The following KIAA1217 variants were observed in gnomAD, a reference collection of about 807,000 sequenced individuals.
KIAA1217 encodes the protein KIAA1217, also known as sickle tail protein homolog.
Under a neutral mutation model 163.9 loss-of-function variants are expected in KIAA1217, and 88 were observed. The ratio of observed to expected loss-of-function variants is 0.54; its 90% CI spans 0.45 to 0.64. The LOEUF is 0.64. Among genes scored for constraint, KIAA1217 ranks in the 30% least tolerant of loss-of-function variants. The pLI is 0.00. For missense variants in KIAA1217, 2,372 were observed against 2,475.0 expected (o/e 0.96, Z 0.88); for synonymous variants, 903 against 923.1 (o/e 0.98, Z 0.39).
chr10:24,491,339 G>A (rs2066119629), intron 6 of KIAA1217, among the ~76,000 whole-genome samples: 1 of 142,804 alleles, frequency 7.0e-6, no homozygotes, highest in Non-Finnish European at 1.5e-5. Context: ...TCCCAGGCTG[G>A]AGTGCAGTGG....
chr10:23,829,344 G>A (rs1838062131), intron 1 of KIAA1217, among the ~76,000 whole-genome samples: 1 of 152,080 alleles, frequency 6.6e-6, no homozygotes, highest in Admixed American at 6.6e-5. Context: ...CCAACTGATG[G>A]CCCACAGAAC....
At chr10:24,366,034 A>G (rs1233905670) in intron 2 of KIAA1217, among the ~76,000 whole-genome samples, 2 of 152,306 alleles carry the variant, frequency 1.3e-5, no homozygotes, top group East Asian at 1.9e-4. Flanking sequence ...ATGGCACCCC[A>G]CTGGCAGATA....
intron 1 of KIAA1217, among the ~76,000 whole-genome samples, chr10:24,211,361 CTTTTTTTTTTTTTTTT>C (rs1201397959): frequency 3.3e-5 from 2 of 60,206 alleles, no homozygotes; most frequent in East Asian, 1.4e-3. Context: ...GGTGGGACTA[CTTTTTTTTTTTTTTTT>C]TTTTTTTTTT....
chr10:24,293,433 ACT>A (rs2079306288), intron 2 of KIAA1217, among the ~76,000 whole-genome samples: 1 of 152,160 alleles, frequency 6.6e-6, no homozygotes, highest in African/African-American at 2.4e-5. Context: ...CTCTGCAGGC[ACT>A]GCCCCGCCCC....
At chr10:23,765,346 T>C (rs1225236796) in intron 1 of KIAA1217, among the ~76,000 whole-genome samples, 2 of 151,944 alleles carry the variant, frequency 1.3e-5, no homozygotes, top group Non-Finnish European at 2.9e-5. Context: ...GCTAACTTTT[T>C]GTACTTTTAG....
rs532472769 is a variant in KIAA1217 at position 24,523,543 on chromosome 10, G to A, written c.2457-780G>A. Among the ~76,000 whole-genome samples the A allele has an allele frequency of 5.9e-5, 9 of 152,260 alleles. No individual in the cohort carries two copies. In the South Asian group the frequency reaches 1.9e-3, roughly 32 times the overall value. ...GATGAGGGACTAACTAAAAATTAGA[G>A]GTCAAGTACCATGTTTGACATTGCC... On this transcript the variant is annotated intron_variant, in intron 12 of 20. Transcript: ENST00000376454.
At position 24,521,915 on chromosome 10, in the gene KIAA1217, G is replaced by A. The variant is rs1409978732; in HGVS notation, c.2442G>A (p.Leu814=). 2 of 1,611,050 alleles carry A rather than the reference G, an allele frequency of 1.2e-6. No individual in the cohort carries two copies. Among genetic ancestry groups the A allele is most frequent in the Non-Finnish European group, 1.7e-6 (2 of 1,178,960 alleles). The stretch of plus-strand genomic sequence containing the variant: ...GTGTGCGCAGCATGACAGACGTCCT[G>A]ACCATGCTGCGGAGGTGACCGGGCC... ...LKRVRSMTDV[L]TMLRRHVTDG... is the part of the protein sequence containing the mutation. The change falls in exon 12 of 21, where the codon CTG becomes CTA. Residue 814 remains leucine, a synonymous_variant. Transcript: ENST00000376454.
chr10:24,034,414 T>A (rs1848308745), intron 2 of KIAA1217, among the ~76,000 whole-genome samples: 2 of 151,432 alleles, frequency 1.3e-5, no homozygotes, highest in South Asian at 4.2e-4. Flanking sequence ...ACAAAAAAAA[T>A]TAGCCAGGCA....
chr10:24,318,490 C>T (rs372628948), intron 2 of KIAA1217, among the ~76,000 whole-genome samples: 5 of 152,266 alleles, frequency 3.3e-5, no homozygotes, highest in African/African-American at 1.2e-4. Flanking sequence ...TGCTGACCTT[C>T]CCAGCAGATT....
At position 23,873,928 on chromosome 10, in the gene KIAA1217, G is replaced by A. The variant is rs1240461655; in HGVS notation, c.-320-133297G>A. 3.9e-5 allele frequency among the ~76,000 whole-genome samples: 6 copies of A among 151,996 alleles called. 1 individual carries two copies. The highest frequency in any genetic ancestry group is 8.8e-5 in the Non-Finnish European group (6 of 67,974). On this transcript the variant is annotated intron_variant, in intron 1 of 18. Coordinates refer to the KIAA1217 transcript ENST00000376462. ...CATTGTTTCATCAGTGAAGTGAAGTGGCATGTGTCATGAACTGAGCATTTA... is the reference window on the plus strand; with the variant it reads ...CATTGTTTCATCAGTGAAGTGAAGTAGCATGTGTCATGAACTGAGCATTTA...
chr10:24,514,931 G>A (rs973671572), intron 10 of KIAA1217, among the ~76,000 whole-genome samples: 1 of 151,964 alleles, frequency 6.6e-6, no homozygotes, highest in Non-Finnish European at 1.5e-5. Context: ...GGGGAAGGTT[G>A]TGGTGAGCCG....
intron 2 of KIAA1217, among the ~76,000 whole-genome samples, chr10:24,318,416 A>T (rs1404295990): frequency 6.6e-6 from 1 of 152,136 alleles, no homozygotes; most frequent in African/African-American, 2.4e-5. Flanking sequence ...GGAGGAGGGA[A>T]TTCTGCCTCT....
intron 2 of KIAA1217, among the ~76,000 whole-genome samples, chr10:24,130,458 T>A (rs969641325): frequency 9.2e-5 from 14 of 152,172 alleles, no homozygotes; most frequent in African/African-American, 3.1e-4. Flanking sequence ...TTTGTGTGCA[T>A]CAATGAATCC....
At chr10:24,392,720 T>C (rs2055149823) in intron 3 of KIAA1217, among the ~76,000 whole-genome samples, 1 of 152,210 alleles carries the variant, frequency 6.6e-6, no homozygotes, top group African/African-American at 2.4e-5. Context: ...GGGAATGACA[T>C]TGGAAATTTA....
chr10:24,280,675 T>C (rs1281198856), intron 2 of KIAA1217, among the ~76,000 whole-genome samples: 1 of 151,994 alleles, frequency 6.6e-6, no homozygotes, highest in South Asian at 2.1e-4. Flanking sequence ...CCAAGCATGG[T>C]CACAGGCGCC....
At chr10:23,719,762 C>T (rs1436542346) in intron 1 of KIAA1217, among the ~76,000 whole-genome samples, 2 of 151,066 alleles carry the variant, frequency 1.3e-5, no homozygotes, top group Non-Finnish European at 3.0e-5. Context: ...ACTAAAAATA[C>T]AAAAAATTAG....
intron 1 of KIAA1217, among the ~76,000 whole-genome samples, chr10:23,982,529 T>TTTTCTCTCTC (rs1365479677): frequency 2.7e-5 from 2 of 73,568 alleles, no homozygotes; most frequent in African/African-American, 1.0e-4. Flanking sequence ...TGTTTTTTGT[T>TTTTCTCTCTC]TCTCTCTCTC....
chr10:23,936,566 A>G (rs1370412244), intron 1 of KIAA1217, among the ~76,000 whole-genome samples: 4 of 152,174 alleles, frequency 2.6e-5, no homozygotes, highest in Non-Finnish European at 4.4e-5. Context: ...CACACAGAGA[A>G]GAAGGCTGTG....
chr10:24,438,463 T>C lies in KIAA1217; in HGVS notation c.830T>C (p.Met277Thr), dbSNP rs1202493199. The change falls in exon 5 of 21, where the codon ATG (methionine) becomes ACG (threonine). Residue 277 changes from methionine (M) to threonine (T), a missense_variant. Physicochemically the swap from Met to Thr is moderately conservative, Grantham distance 81. Around this residue, in one of 3 missense-constraint regions of KIAA1217, gnomAD observed 1,431 missense variants for 1,470.3 expected, o/e 0.97. Coordinates refer to ENST00000376454, the MANE Select transcript of KIAA1217 (RefSeq NM_019590.5). ...AHAFNHTPKT[M>T]NGDMRMQREL... Reference sequence around the variant, plus strand: ...GCGTTTAATCACACACCAAAAACTATGAATGGAGACATGAGGGTAAGTGTT... The same window carrying C: ...GCGTTTAATCACACACCAAAAACTACGAATGGAGACATGAGGGTAAGTGTT... 6.2e-7 allele frequency: 1 copy of C among 1,609,620 alleles called. No homozygotes were observed. The highest frequency in any genetic ancestry group is 8.5e-7 in the Non-Finnish European group (1 of 1,175,876).
Sources: gnomAD v4.1 joint callset for allele counts (sites outside exome capture counted in the v4.1 genomes callset) on GRCh38, gnomAD v4.1.1 for gene constraint, gnomAD v4.1.1 regional missense constraint, MANE v1.5 for transcripts, NCBI Gene and HGNC (gene_info 2026-07-23, HGNC 2026-07-21) for gene names.